IQCN: variants seen among roughly 807,000 people sequenced by gnomAD.
IQCN encodes the protein IQ domain-containing protein N.
In IQCN, 46 loss-of-function variants were observed where a neutral mutation model predicts 64.4. The ratio of observed to expected loss-of-function variants is 0.71; its 90% CI spans 0.56 to 0.91. The LOEUF (loss-of-function observed/expected upper bound fraction) is 0.91, where lower values mean the gene tolerates loss of function less well. Ranked by LOEUF, IQCN falls within the 40% of genes least tolerant of loss-of-function variation. IQCN has a pLI of 0.00. For synonymous variants in IQCN, 733 were observed against 775.6 expected (o/e 0.95, Z 0.91); for missense variants, 1,753 against 1,857.4 (o/e 0.94, Z 1.03).
intron 1 of IQCN, among the ~76,000 whole-genome samples, chr19:18,270,823 C>G (rs1223806216): frequency 7.7e-6 from 1 of 130,220 alleles, no homozygotes; most frequent in Non-Finnish European, 1.6e-5. Context: ...TGGCTGAGAC[C>G]CTGTCTCAAA....
chr19:18,261,026 T>C, intron 3 of IQCN: 1 of 152,950 alleles, frequency 6.5e-6, no homozygotes, highest in Non-Finnish European at 1.5e-5. Context: ...GAACCTGGCT[T>C]GGGGACACCA....
rs762785712 is a variant in IQCN, at chr19:18,266,637, C to T, written c.903G>A (p.Arg301=). ...ARAPETPLSR[R]YDQAVTRPSR... Reference sequence around the variant, plus strand: ...ATGGTCTCGTAACTGCCTGGTCATACCTTCTGGACAATGGTGTCTCCGGAG... The same window carrying T: ...ATGGTCTCGTAACTGCCTGGTCATATCTTCTGGACAATGGTGTCTCCGGAG... The change falls in exon 3 of 4, where the codon AGG becomes AGA. Residue 301 remains arginine, a synonymous_variant. Transcript: ENST00000392413. This position sits in a 1 kb window ranked among gnomAD's most constrained non-coding sequence, Gnocchi z 4.3. The T allele has an allele frequency of 1.2e-6, 2 of 1,614,054 alleles. No homozygotes were observed. Among genetic ancestry groups the T allele is most frequent in the East Asian group, 2.2e-5 (1 of 44,872 alleles).
intron 2 of IQCN, chr19:18,268,046 A>T (rs59488684): frequency 6.6e-6 from 1 of 151,618 alleles, no homozygotes; most frequent in African/African-American, 2.4e-5. Flanking sequence ...GATCCACCTG[A>T]CTCAGCCTCC....
At position 18,265,012 on chromosome 19, in the gene IQCN, G is replaced by A. The variant is rs1211577088; in HGVS notation, c.2528C>T (p.Thr843Ile). Residue 843 changes from threonine to isoleucine, a missense_variant, in exon 3 of 4, where the codon ACA becomes ATA. Coordinates refer to ENST00000392413, the MANE Select transcript of IQCN (RefSeq NM_001145304.2). The surrounding 1 kb of genome is among the most constrained non-coding windows in gnomAD (Gnocchi z 4.7). The stretch of plus-strand genomic sequence containing the variant: ...GTCTCCCCAGGACTCAACGTTGCAT[G>A]TGGAATGGCCGGTGGGTGCCATCGG... ...VPPMAPTGHS[T>I]CNVESWGDNG... The A allele has an allele frequency of 1.5e-5, 24 of 1,603,776 alleles. No homozygotes were observed. The Middle Eastern group carries it at 6.6e-4, about 44-fold the overall frequency.
chr19:18,264,461 C>A lies in IQCN; in HGVS notation c.3079G>T (p.Val1027Leu), dbSNP rs1037275770. ...TTCACCAGGGCCGGCGTCTTAGTCA[C>A]CCCGCTTCCTGTTGATTTCGAGGCG... ...KAASKSTGSG[V>L]TKTPALVKVA... The change falls in exon 3 of 4, where the codon GTG becomes TTG. Residue 1027 changes from valine (V) to leucine (L), a missense_variant. Physicochemically the swap from Val to Leu is conservative, Grantham distance 32. Transcript: ENST00000392413. This position sits in a 1 kb window ranked among gnomAD's most constrained non-coding sequence, Gnocchi z 4.3. The A allele has an allele frequency of 8.4e-6, 13 of 1,551,270 alleles. No homozygotes were observed. In the Admixed American group the frequency reaches 1.6e-4, roughly 19 times the overall value.
At chr19:18,267,565 C>A in intron 2 of IQCN, 39 bp from the exon 3 acceptor site, 3 of 1,494,888 alleles carry the variant, frequency 2.0e-6, no homozygotes, top group Admixed American at 2.4e-5. Flanking sequence ...TGTAGCAGGT[C>A]CTGCAAACAA....
intron 1 of IQCN, among the ~76,000 whole-genome samples, chr19:18,273,674 G>A (rs1471334609): frequency 6.6e-6 from 1 of 152,172 alleles, no homozygotes; most frequent in Non-Finnish European, 1.5e-5. Context: ...GACCATATGG[G>A]TCAGGCTGGT....
At chr19:18,258,588 G>C in intron 3 of IQCN, 1 of 364,582 alleles carries the variant, frequency 2.7e-6, no homozygotes. Context: ...TGCCCTTCTA[G>C]CCGAGGACGG....
intron 2 of IQCN, among the ~76,000 whole-genome samples, chr19:18,268,587 G>C (rs1240219166): frequency 6.6e-6 from 1 of 152,130 alleles, no homozygotes; most frequent in Non-Finnish European, 1.5e-5. Context: ...CAGCACTTTG[G>C]GAGGCCAAGG....
rs774755238 is a variant in IQCN, at chr19:18,258,116, A to G, written c.3178-10T>C. The stretch of plus-strand genomic sequence containing the variant: ...CAGCGTCCGCGGGGCCCTGGAGTAT[A>G]GTGGAGTTCAGGGATGCCTTGTGAC... On this transcript the variant is annotated splice_polypyrimidine_tract_variant and intron_variant, in intron 3 of 3. Transcript: ENST00000392413. 6.2e-7 allele frequency: 1 copy of G among 1,606,990 alleles called. No homozygotes were observed. Among genetic ancestry groups the G allele is most frequent in the Non-Finnish European group, 8.5e-7 (1 of 1,179,944 alleles).
At chr19:18,268,454 C>T (rs974705327) in intron 2 of IQCN, among the ~76,000 whole-genome samples, 4 of 151,796 alleles carry the variant, frequency 2.6e-5, no homozygotes, top group Admixed American at 2.0e-4. Context: ...ATGAATCAGT[C>T]GATGAGTGAA....
Position 18,258,071 on chromosome 19 carries a change from C to A in IQCN, c.3213G>T (p.Ser1071=), listed in dbSNP as rs765092990. 1.1e-5 allele frequency: 18 copies of A among 1,612,002 alleles called. 1 individual carries two copies. The South Asian group carries it at 1.9e-4, about 17-fold the overall frequency. ...TGGCTGGCTCCCATGCGCGGTTCCA[C>A]GATTGGCCACCAACCACACCAGCGT... The part of the protein sequence containing the change: ...PADAGVVGGQ[S]WNRAWEPARG... The change falls in exon 4 of 4, where the codon TCG becomes TCT. Residue 1071 remains serine (S), a synonymous_variant. Coordinates refer to ENST00000392413, the MANE Select transcript of IQCN (RefSeq NM_001145304.2).
chr19:18,265,666 G>A lies in IQCN; in HGVS notation c.1874C>T (p.Ala625Val). 4 of 1,614,140 alleles carry A rather than the reference G, an allele frequency of 2.5e-6. No homozygotes were observed. The highest frequency in any genetic ancestry group is 3.4e-6 in the Non-Finnish European group (4 of 1,180,028). The change falls in exon 3 of 4, where the codon GCA becomes GTA. Residue 625 changes from alanine to valine, a missense_variant. By Grantham distance (64) the Ala-to-Val change is moderately conservative (BLOSUM62 0). Transcript: ENST00000392413. This position sits in a 1 kb window ranked among gnomAD's most constrained non-coding sequence, Gnocchi z 4.7. ...GGATGGAGCCCCAGCCATTTCCACT[G>A]CCACACTGGTCTTAAATGCCATGTC... is the stretch of plus-strand genomic sequence containing the variant. ...KTDMAFKTSV[A>V]VEMAGAPSWT...
At chr19:18,270,079 T>G (rs1214240312) in intron 1 of IQCN, among the ~76,000 whole-genome samples, 2 of 82,232 alleles carry the variant, frequency 2.4e-5, no homozygotes, top group African/African-American at 6.5e-5. Flanking sequence ...AAAAAAAAAA[T>G]TGGCCAGGCG....
chr19:18,264,760 G>T lies in IQCN; in HGVS notation c.2780C>A (p.Ala927Asp). 6.4e-7 allele frequency: 1 copy of T among 1,551,228 alleles called. No homozygotes were observed. Residue 927 changes from alanine (A) to aspartate (D), a missense_variant, in exon 3 of 4, where the codon GCC (alanine) becomes GAC (aspartate). Transcript: ENST00000392413. The surrounding 1 kb of genome is among the most constrained non-coding windows in gnomAD (Gnocchi z 4.3). ...CATGCTCAGCATGCTCTGGGGCAGG[G>T]CTTTGGTGACAGTGGCACCCAGGAC... is the stretch of plus-strand genomic sequence containing the variant. ...KEVLGATVTK[A>D]LPQSMLSMAL... is the part of the protein sequence containing the mutation.
chr19:18,263,734 C>T (rs758798610), intron 3 of IQCN, among the ~76,000 whole-genome samples: 8 of 152,088 alleles, frequency 5.3e-5, no homozygotes, highest in African/African-American at 9.7e-5. Flanking sequence ...CCACGATGTA[C>T]CCCTGAGGAC....
chr19:18,269,575 A>G lies in IQCN; in HGVS notation c.-97T>C. The stretch of plus-strand genomic sequence containing the variant: ...CCTTTCATCCATGCAATATGCAGCA[A>G]CACTGCCCTGGGCTGGCTCAAGACC... On this transcript the variant is annotated 5_prime_UTR_variant, in exon 2 of 4. Transcript: ENST00000392413. 8.0e-7 allele frequency: 1 copy of G among 1,245,160 alleles called. No homozygotes were observed. The highest frequency in any genetic ancestry group is 1.2e-5 in the South Asian group (1 of 81,578). The allele number at this position is 1,245,160 out of a possible 1,614,324, so 77.1% of individuals were successfully genotyped here.
rs139792330 is a variant in IQCN, at chr19:18,264,985, T to C, written c.2555A>G (p.Asn852Ser). 19 of 1,607,066 alleles carry C rather than the reference T, an allele frequency of 1.2e-5. No individual in the cohort carries two copies. Among genetic ancestry groups the C allele is most frequent in the East Asian group, 2.2e-5 (1 of 44,874 alleles). ...STCNVESWGD[N>S]GATRAQPSMP... ...TGATGGCTGGGCACGTGTGGCTCCG[T>C]TGTCTCCCCAGGACTCAACGTTGCA... Residue 852 changes from asparagine (N) to serine (S), a missense_variant, in exon 3 of 4, where the codon AAC becomes AGC. By Grantham distance (46) the Asn-to-Ser change is conservative (BLOSUM62 1). Coordinates refer to ENST00000392413, the MANE Select transcript of IQCN (RefSeq NM_001145304.2). This position sits in a 1 kb window ranked among gnomAD's most constrained non-coding sequence, Gnocchi z 4.3.
intron 3 of IQCN, chr19:18,260,463 T>G (rs1969400826): frequency 6.6e-6 from 1 of 152,656 alleles, no homozygotes; most frequent in Non-Finnish European, 1.5e-5. Flanking sequence ...ATTGAGGCCA[T>G]GACATGTACC....
Sources: gnomAD v4.1 joint callset for allele counts (sites outside exome capture counted in the v4.1 genomes callset) on GRCh38, gnomAD v4.1.1 for gene constraint, Gnocchi (gnomAD v3.1) non-coding constraint, MANE v1.5 for transcripts, NCBI Gene and HGNC (gene_info 2026-07-23, HGNC 2026-07-21) for gene names.